The following VPS13A variants were observed in gnomAD, a reference collection of about 807,000 sequenced individuals.
VPS13A encodes intermembrane lipid transfer protein VPS13A.
A neutral mutation model predicts 390.9 loss-of-function variants in VPS13A; 264 were observed. That is an observed-to-expected ratio of 0.68 (90% CI 0.61 to 0.75). The LOEUF (loss-of-function observed/expected upper bound fraction) is 0.75, where lower values mean the gene tolerates loss of function less well. Ranked by LOEUF, VPS13A falls within the 30% of genes least tolerant of loss-of-function variation. VPS13A has a pLI of 0.00. For synonymous variants in VPS13A, 1,231 were observed against 1,227.1 expected (o/e 1.00, Z -0.07); for missense variants, 3,409 against 3,733.9 (o/e 0.91, Z 2.27).
intron 37 of VPS13A, among the ~76,000 whole-genome samples, 198 bp from the exon 38 acceptor site, chr9:77,315,055 C>T (rs1244809818): frequency 6.6e-6 from 1 of 152,130 alleles, no homozygotes; most frequent in African/African-American, 2.4e-5. Context: ...ACATACACTT[C>T]CTCATTTATG....
chr9:77,278,642 T>C (rs1229778051), intron 26 of VPS13A, among the ~76,000 whole-genome samples: 1 of 152,118 alleles, frequency 6.6e-6, no homozygotes, highest in Non-Finnish European at 1.5e-5. Context: ...AGAAAACAGG[T>C]TTATGTGCTA....
chr9:77,218,973 C>T (rs1029814026), intron 10 of VPS13A, among the ~76,000 whole-genome samples: 5 of 152,072 alleles, frequency 3.3e-5, no homozygotes. Flanking sequence ...TTACTCCACA[C>T]TGACGAAGTG....
chr9:77,367,836 G>A (rs1305886712), intron 61 of VPS13A, among the ~76,000 whole-genome samples: 1 of 152,144 alleles, frequency 6.6e-6, no homozygotes, highest in Non-Finnish European at 1.5e-5. Flanking sequence ...TGACTTGTCT[G>A]AAGATAAGAT....
chr9:77,252,373 G>A (rs776363287), intron 22 of VPS13A, 21 bp downstream of exon 22: 9 of 1,570,548 alleles, frequency 5.7e-6, no homozygotes, highest in Non-Finnish European at 7.9e-6. Flanking sequence ...TTTGTTTCAT[G>A]TGAATATGGA....
At chr9:77,389,354 C>T (rs978281666) in intron 68 of VPS13A, among the ~76,000 whole-genome samples, 3 of 148,332 alleles carry the variant, frequency 2.0e-5, no homozygotes, top group African/African-American at 7.5e-5. Context: ...ATTGCCCATG[C>T]TGGAGTGCAG....
chr9:77,370,060 A>G (rs1466413800), intron 63 of VPS13A, among the ~76,000 whole-genome samples, 197 bp from the exon 64 acceptor site: 3 of 152,326 alleles, frequency 2.0e-5, no homozygotes, highest in Non-Finnish European at 2.9e-5. Context: ...AGCGTCTAAC[A>G]TTATATCCTT....
rs1049686468 is a variant in VPS13A at position 77,420,149 on chromosome 9, A to G, written c.*4143A>G. On this transcript the variant is annotated 3_prime_UTR_variant, in exon 72 of 72. Coordinates refer to ENST00000360280, the MANE Select transcript of VPS13A (RefSeq NM_033305.3). ...AAATTATACCTTATTGTTAATGGCAACCTAATCAAGCTAGGATTTGTCGGT... is the reference window on the plus strand; with the variant it reads ...AAATTATACCTTATTGTTAATGGCAGCCTAATCAAGCTAGGATTTGTCGGT... 2.0e-5 allele frequency: 3 copies of G among 152,156 alleles called. No individual in the cohort carries two copies. Among genetic ancestry groups the G allele is most frequent in the South Asian group, 4.1e-4 (2 of 4,826 alleles). 9.4% of individuals were successfully genotyped at this position (152,156 alleles called of 1,614,324 possible).
intron 33 of VPS13A, 87 bp from the exon 34 acceptor site, chr9:77,302,828 A>C: frequency 7.5e-7 from 1 of 1,341,978 alleles, no homozygotes; most frequent in Non-Finnish European, 1.1e-6. Context: ...TGCTATTTGC[A>C]TATAAAAGGA....
rs1210620347 is a variant in VPS13A at position 77,370,352 on chromosome 9, C to A, written c.8743+20C>A. On this transcript the variant is annotated intron_variant, in intron 64 of 71. Transcript: ENST00000360280. ...CTGTTGGTAAGAAACAGAATATCTA[C>A]CAAGTATTTTTGTGCTAGAAAGTAA... The A allele has an allele frequency of 1.2e-6, 2 of 1,614,072 alleles. No individual in the cohort carries two copies. Among genetic ancestry groups the A allele is most frequent in the South Asian group, 2.2e-5 (2 of 91,076 alleles).
chr9:77,205,456 G>A (rs554162616), intron 4 of VPS13A, 48 bp downstream of exon 4: 2 of 907,576 alleles, frequency 2.2e-6, no homozygotes, highest in East Asian at 6.4e-5. Flanking sequence ...CTTTTTTATG[G>A]ATGGAAAAAT....
intron 4 of VPS13A, among the ~76,000 whole-genome samples, 168 bp downstream of exon 4, chr9:77,205,576 A>T (rs929067437): frequency 6.6e-6 from 1 of 151,506 alleles, no homozygotes; most frequent in African/African-American, 2.4e-5. Context: ...GCAACTTTGA[A>T]TTATTTATTA....
intron 59 of VPS13A, among the ~76,000 whole-genome samples, chr9:77,364,409 G>C (rs1832323714): frequency 1.3e-5 from 2 of 152,040 alleles, no homozygotes; most frequent in South Asian, 4.1e-4. Flanking sequence ...TAGGTGACCA[G>C]AGCGAGACTC....
At chr9:77,258,826 G>A (rs959053333) in intron 22 of VPS13A, among the ~76,000 whole-genome samples, 1 of 152,032 alleles carries the variant, frequency 6.6e-6, no homozygotes, top group Non-Finnish European at 1.5e-5. Context: ...TTTTAGCATA[G>A]TTTAAGTACT....
chr9:77,206,656 C>G (rs1037621887), intron 5 of VPS13A, among the ~76,000 whole-genome samples: 10 of 152,112 alleles, frequency 6.6e-5, no homozygotes, highest in Admixed American at 5.9e-4. Context: ...ATCCTTACTG[C>G]CAGCTACTTT....
At position 77,337,539 on chromosome 9, in the gene VPS13A, T is replaced by A; in HGVS notation, c.6378+2T>A. On this transcript the variant is annotated splice_donor_variant, in intron 47 of 71. Transcript: ENST00000360280. LOFTEE classifies it high-confidence loss of function. ...TACAAAATTGCTTATTATATAGAGG[T>A]ATCGGCAAACTGATTTAGTGCCTTC... The A allele has an allele frequency of 6.2e-7, 1 of 1,609,308 alleles. No homozygotes were observed. Among genetic ancestry groups the A allele is most frequent in the Non-Finnish European group, 8.5e-7 (1 of 1,177,578 alleles).
chr9:77,194,632 G>T (rs964756348), intron 1 of VPS13A, among the ~76,000 whole-genome samples: 1 of 152,118 alleles, frequency 6.6e-6, no homozygotes, highest in Middle Eastern at 3.2e-3. Context: ...CTTCAGCTAG[G>T]ATTCTAGAGG....
At chr9:77,357,650 T>C (rs753745083) in intron 55 of VPS13A, 42 bp from the exon 56 acceptor site, 2 of 1,595,804 alleles carry the variant, frequency 1.3e-6, no homozygotes, top group South Asian at 2.2e-5. Context: ...TAGTCATTTA[T>C]AGATAAATTA....
At chr9:77,339,395 T>C in intron 47 of VPS13A, 121 bp from the exon 48 acceptor site, 2 of 912,418 alleles carry the variant, frequency 2.2e-6, no homozygotes, top group Non-Finnish European at 3.3e-6. Context: ...GTCTTCTGAC[T>C]TGTTCTGATA....
chr9:77,290,839 C>T (rs549600143), intron 31 of VPS13A, among the ~76,000 whole-genome samples: 1 of 152,264 alleles, frequency 6.6e-6, no homozygotes, highest in South Asian at 2.1e-4. Flanking sequence ...TCTATTCATG[C>T]ATATGTTCCA....
Sources: allele counts gnomAD v4.1 joint callset (sites outside exome capture counted in the v4.1 genomes callset), GRCh38; gene constraint gnomAD v4.1.1; transcripts MANE v1.5; gene names NCBI Gene and HGNC (gene_info 2026-07-23, HGNC 2026-07-21).